Variants in LCN15 observed in about 807,000 individuals in gnomAD.
LCN15 encodes the protein lipocalin-15.
In LCN15, 26 loss-of-function variants were observed where a neutral mutation model predicts 23.1. That is an observed-to-expected ratio of 1.13 (90% CI 0.82 to 1.56). The LOEUF (loss-of-function observed/expected upper bound fraction) is 1.56. LCN15 is among the 40% of genes most tolerant of loss of function. The pLI is 0.00. For synonymous variants in LCN15, 107 were observed against 98.3 expected, an observed-to-expected ratio of 1.09 and a Z score of -0.52; for missense variants, 241 against 239.5, an observed-to-expected ratio of 1.01 and a Z score of -0.04.
rs373510448 is a variant in LCN15 at position 136,761,863 on chromosome 9, G to A, written c.521-10C>T. The A allele has an allele frequency of 7.2e-5, 96 of 1,335,930 alleles. No individual in the cohort carries two copies. Among genetic ancestry groups the A allele is most frequent in the Non-Finnish European group, 9.0e-5 (94 of 1,042,386 alleles). 82.8% of individuals were successfully genotyped at this position (1,335,930 alleles called of 1,614,324 possible). A position where few individuals can be genotyped will look rare whatever the true frequency, so the allele number is the denominator to read the frequency against. ...TCAGGGTTGCATGCATCTGTGGGGAGGAAGACATCCGTGAGATGCTGACGG... is the reference window on the plus strand; with the variant it reads ...TCAGGGTTGCATGCATCTGTGGGGAAGAAGACATCCGTGAGATGCTGACGG... On this transcript the variant is annotated splice_polypyrimidine_tract_variant and intron_variant, in intron 5 of 6. Coordinates refer to ENST00000316144, the MANE Select transcript of LCN15 (RefSeq NM_203347.2). The surrounding 1 kb of genome is among the most constrained non-coding windows in gnomAD (Gnocchi z 4.2).
At chr9:136,763,290 G>T in intron 4 of LCN15, 67 bp downstream of exon 4, 1 of 841,678 alleles carries the variant, frequency 1.2e-6, no homozygotes, top group Non-Finnish European at 1.7e-6. Context: ...GGGGTAGGCA[G>T]AACGGGGGGC....
rs763744220 is a variant in LCN15, at chr9:136,764,002, C to T, written c.104G>A (p.Gly35Asp). The change falls in exon 2 of 7, where the codon GGC becomes GAC. Residue 35 changes from glycine (G) to aspartate (D), a missense_variant. By Grantham distance (94) the Gly-to-Asp change is moderately conservative (BLOSUM62 -1). Transcript: ENST00000316144. ...TGCCATGGAGACCACGTACCAGAGG[C>T]CTGAGAACTGCCGGGGGCTTAGTCA... ...QPDFNAEKFSGLWYVVSMASD... is the reference protein window; with the variant it reads ...QPDFNAEKFSDLWYVVSMASD... The T allele has an allele frequency of 5.6e-6, 9 of 1,612,860 alleles. No homozygotes were observed. Among genetic ancestry groups the T allele is most frequent in the East Asian group, 4.5e-5 (2 of 44,880 alleles).
At chr9:136,763,570 C>T (rs1291708483) in intron 3 of LCN15, 103 bp from the exon 4 acceptor site, 15 of 1,234,178 alleles carry the variant, frequency 1.2e-5, no homozygotes, top group African/African-American at 1.5e-5. Flanking sequence ...GCCTGTTCCC[C>T]GAAGACAGAG....
chr9:136,764,302 GC>G, intron 1 of LCN15, 90 bp downstream of exon 1: 1 of 1,300,156 alleles, frequency 7.7e-7, no homozygotes, highest in Non-Finnish European at 1.1e-6. Flanking sequence ...CAGAGCAAGC[GC>G]CCCAGGAAAG....
In LCN15 at chr9:136,763,789, G is replaced by GGTGCT; in HGVS notation, c.237-7_237-6insAGCAC. 6.2e-7 allele frequency: 1 copy of GGTGCT among 1,613,418 alleles called. No homozygotes were observed. Among genetic ancestry groups the GGTGCT allele is most frequent in the South Asian group, 1.1e-5 (1 of 91,090 alleles). On this transcript the variant is annotated splice_region_variant and splice_polypyrimidine_tract_variant and intron_variant, in intron 2 of 6. Transcript: ENST00000316144. ...CCTGGTTACAGCCGTCCGCCCTGGG[G>GGTGCT]GTGCACAGCCGGCTCACTCATGGCA...
intron 6 of LCN15, among the ~76,000 whole-genome samples, chr9:136,760,941 G>C (rs1451043882): frequency 6.6e-6 from 1 of 152,246 alleles, no homozygotes; most frequent in Non-Finnish European, 1.5e-5. Context: ...AGATCATCCT[G>C]CATTTACAGT....
In LCN15 at chr9:136,763,900, C is replaced by T. The variant is rs1220388315; in HGVS notation, c.206G>A (p.Gly69Asp). The T allele has an allele frequency of 3.7e-6, 6 of 1,613,566 alleles. No homozygotes were observed. Among genetic ancestry groups the T allele is most frequent in the Non-Finnish European group, 5.1e-6 (6 of 1,180,004 alleles). The change falls in exon 2 of 7, where the codon GGC (glycine) becomes GAC (aspartate). Residue 69 changes from glycine to aspartate, a missense_variant. By Grantham distance (94) the Gly-to-Asp change is moderately conservative (BLOSUM62 -1). Coordinates refer to ENST00000316144, the MANE Select transcript of LCN15 (RefSeq NM_203347.2). ...GAACTCCATGTGGACGTGGAGGCCG[C>T]CCTCCTCTGTGGGCCTGATGGCCCT... ...STRAIRPTEE[G>D]GLHVHMEFPG...
chr9:136,761,813 G>A lies in LCN15; in HGVS notation c.*6C>T. 3 of 1,292,000 alleles carry A rather than the reference G, an allele frequency of 2.3e-6. No individual in the cohort carries two copies. Among genetic ancestry groups the A allele is most frequent in the Non-Finnish European group, 2.9e-6 (3 of 1,018,110 alleles). 80.0% of individuals were successfully genotyped at this position (1,292,000 alleles called of 1,614,324 possible). A position where few individuals can be genotyped will look rare whatever the true frequency, so the allele number is the denominator to read the frequency against. ...TGGGAAGGGCGGGGGTGGGGCTCCGGAGGTGTCAGGGCGCCTCCTTGCTCT... is the reference window on the plus strand; with the variant it reads ...TGGGAAGGGCGGGGGTGGGGCTCCGAAGGTGTCAGGGCGCCTCCTTGCTCT... On this transcript the variant is annotated 3_prime_UTR_variant, in exon 6 of 7. Coordinates refer to ENST00000316144, the MANE Select transcript of LCN15 (RefSeq NM_203347.2). The surrounding 1 kb of genome is among the most constrained non-coding windows in gnomAD (Gnocchi z 4.2).
At chr9:136,760,703 A>G (rs1847308052) in intron 6 of LCN15, among the ~76,000 whole-genome samples, 2 of 152,224 alleles carry the variant, frequency 1.3e-5, no homozygotes, top group Admixed American at 1.3e-4. Flanking sequence ...ACTGCGCGCG[A>G]AGGCTGTGGT....
chr9:136,762,387 G>T, intron 4 of LCN15, 98 bp from the exon 5 acceptor site: 1 of 738,054 alleles, frequency 1.4e-6, no homozygotes, highest in Non-Finnish European at 2.3e-6. Context: ...TGACAGCAAG[G>T]CCGCCACCCT....
chr9:136,764,203 A>G, intron 1 of LCN15, 190 bp downstream of exon 1: 4 of 810,350 alleles, frequency 4.9e-6, no homozygotes, highest in Non-Finnish European at 7.8e-6. Flanking sequence ...CTCAGTTCCC[A>G]GCTGTGAAGT....
chr9:136,763,561 C>A, intron 3 of LCN15, 94 bp from the exon 4 acceptor site: 1 of 1,222,886 alleles, frequency 8.2e-7, no homozygotes, highest in Non-Finnish European at 1.2e-6. Flanking sequence ...GGGCTGTGAG[C>A]CTGTTCCCCG....
Position 136,761,796 on chromosome 9 carries a change from G to A in LCN15, c.*23C>T. The A allele has an allele frequency of 7.8e-7, 1 of 1,279,466 alleles. No individual in the cohort carries two copies. Among genetic ancestry groups the A allele is most frequent in the Middle Eastern group, 2.0e-4 (1 of 4,902 alleles). The allele number at this position is 1,279,466 out of a possible 1,614,324, so 79.3% of individuals were successfully genotyped here. On this transcript the variant is annotated 3_prime_UTR_variant, in exon 6 of 7. Coordinates refer to ENST00000316144, the MANE Select transcript of LCN15 (RefSeq NM_203347.2). This position sits in a 1 kb window ranked among gnomAD's most constrained non-coding sequence, Gnocchi z 4.2. ...GGCCTGGAGAACCCACCTGGGAAGG[G>A]CGGGGGTGGGGCTCCGGAGGTGTCA...
Position 136,763,398 on chromosome 9 carries a change from T to C in LCN15, c.377A>G (p.Lys126Arg). Residue 126 changes from lysine (K) to arginine (R), a missense_variant, in exon 4 of 7, where the codon AAG becomes AGG. Lys to Arg is a conservative substitution (Grantham distance 26, BLOSUM62 2). Coordinates refer to ENST00000316144, the MANE Select transcript of LCN15 (RefSeq NM_203347.2). ...GGTGCTGAGGGCCCCCTCCAGCTCC[T>C]TGTAGATGTAAAGGACGGCGAAGGA... ...YSSFAVLYIY[K>R]ELEGALSTMV... 1 of 1,608,114 alleles carries C rather than the reference T, an allele frequency of 6.2e-7. No individual in the cohort carries two copies. Among genetic ancestry groups the C allele is most frequent in the Non-Finnish European group, 8.5e-7 (1 of 1,177,660 alleles).
rs1847318332 is a variant in LCN15, at chr9:136,761,646, A to G, written c.*32+141T>C. ...TCAAGGGAGGCTTCCTGGAAGAGGTAATGTCTAAGCTGAGGCCTGAAGCAT... is the reference window on the plus strand; with the variant it reads ...TCAAGGGAGGCTTCCTGGAAGAGGTGATGTCTAAGCTGAGGCCTGAAGCAT... On this transcript the variant is annotated intron_variant, in intron 6 of 6. Transcript: ENST00000316144. The surrounding 1 kb of genome is among the most constrained non-coding windows in gnomAD (Gnocchi z 4.2). 7.3e-6 allele frequency: 3 copies of G among 408,484 alleles called. No individual in the cohort carries two copies. The highest frequency in any genetic ancestry group is 1.3e-5 in the Non-Finnish European group (3 of 233,716). The allele number at this position is 408,484 out of a possible 1,614,324, so 25.3% of individuals were successfully genotyped here. A position where few individuals can be genotyped will look rare whatever the true frequency, so the allele number is the denominator to read the frequency against.
intron 1 of LCN15, 75 bp downstream of exon 1, chr9:136,764,318 T>C (rs1228560098): frequency 2.1e-6 from 3 of 1,424,612 alleles, no homozygotes; most frequent in East Asian, 2.4e-5. Context: ...GGAAAGGCAG[T>C]TGTCACAATT....
At chr9:136,760,982 T>C (rs895753380) in intron 6 of LCN15, among the ~76,000 whole-genome samples, 13 of 152,216 alleles carry the variant, frequency 8.5e-5, no homozygotes, top group African/African-American at 3.1e-4. Context: ...GGCATCCTCC[T>C]AAGAAGAGGG....
chr9:136,762,082 C>A (rs1469065189), intron 5 of LCN15, 106 bp downstream of exon 5: 13 of 816,030 alleles, frequency 1.6e-5, no homozygotes, highest in Non-Finnish European at 1.1e-5. Context: ...GAGAAGACCA[C>A]CTGCTGCCCG....
Position 136,761,005 on chromosome 9 carries a change from C to T in LCN15, c.*32+782G>A, listed in dbSNP as rs1847311232. Among the ~76,000 whole-genome samples the T allele has an allele frequency of 6.6e-6, 1 of 152,230 alleles. No homozygotes were observed. The highest frequency in any genetic ancestry group is 6.5e-5 in the Admixed American group (1 of 15,284). On this transcript the variant is annotated intron_variant, in intron 6 of 6. Coordinates refer to ENST00000316144, the MANE Select transcript of LCN15 (RefSeq NM_203347.2). The surrounding 1 kb of genome is among the most constrained non-coding windows in gnomAD (Gnocchi z 4.2). ...CCTAAGAAGAGGGCCGTGGGGCACT[C>T]GCTTCGGCAGCACAGACACTAGGGG...
Sources: gnomAD v4.1 joint callset for allele counts (sites outside exome capture counted in the v4.1 genomes callset) on GRCh38, gnomAD v4.1.1 for gene constraint, Gnocchi (gnomAD v3.1) non-coding constraint, MANE v1.5 for transcripts, NCBI Gene and HGNC (gene_info 2026-07-23, HGNC 2026-07-21) for gene names.